The following TBC1D21 variants were observed in gnomAD, a reference collection of about 807,000 sequenced individuals.
The protein encoded by TBC1D21 is TBC1 domain family member 21.
In TBC1D21, 38 loss-of-function variants were observed where a neutral mutation model predicts 46.0. The observed-to-expected ratio is 0.83, with a 90% confidence interval of 0.64 to 1.08. TBC1D21 has a LOEUF of 1.08. TBC1D21 is among the 50% of genes least tolerant of loss of function. The pLI, the probability that TBC1D21 is intolerant of heterozygous loss-of-function variation, is 0.00. For missense variants in TBC1D21, 415 were observed against 417.9 expected (o/e 0.99, Z 0.06); for synonymous variants, 151 against 157.2 (o/e 0.96, Z 0.29).
chr15:73,887,655 G>A lies in TBC1D21; in HGVS notation c.813G>A (p.Gln271=), dbSNP rs2068273813. Residue 271 remains glutamine (Q), a synonymous_variant, in exon 9 of 11, where the codon CAG becomes CAA. Coordinates refer to ENST00000300504, the MANE Select transcript of TBC1D21 (RefSeq NM_153356.3). ...LLTGKPCRNF[Q]VLVAYSMLQM... The stretch of plus-strand genomic sequence containing the variant: ...CGGGGAAGCCCTGCAGGAACTTCCA[G>A]GTGCTGGTGGCCTACAGCATGCTGC... The A allele has an allele frequency of 3.1e-6, 5 of 1,614,122 alleles. No individual in the cohort carries two copies. Among genetic ancestry groups the A allele is most frequent in the Non-Finnish European group, 4.2e-6 (5 of 1,180,002 alleles).
chr15:73,880,992 G>A (rs544597503), intron 1 of TBC1D21, among the ~76,000 whole-genome samples: 1 of 152,256 alleles, frequency 6.6e-6, no homozygotes, highest in African/African-American at 2.4e-5. Flanking sequence ...GGCCATAGTT[G>A]TACTATATAG....
intron 1 of TBC1D21, among the ~76,000 whole-genome samples, chr15:73,874,961 A>G (rs1484222012): frequency 6.6e-6 from 1 of 152,124 alleles, no homozygotes; most frequent in Non-Finnish European, 1.5e-5. Flanking sequence ...AGAAAAGAGA[A>G]CCTGTCCAGG....
chr15:73,899,800 C>T, the TBC1D21 span, among the ~76,000 whole-genome samples: 1 of 152,156 alleles, frequency 6.6e-6, no homozygotes, highest in African/African-American at 2.4e-5. Context: ...ACAGAAAGGA[C>T]TGGGAAGGGA....
At chr15:73,898,521 GA>G in the TBC1D21 span, among the ~76,000 whole-genome samples, 4 of 151,954 alleles carry the variant, frequency 2.6e-5, no homozygotes, top group Admixed American at 6.6e-5. Flanking sequence ...GAAAACAGGT[GA>G]AAAAAATGTG....
At chr15:73,898,096 G>T in the TBC1D21 span, among the ~76,000 whole-genome samples, 1 of 152,206 alleles carries the variant, frequency 6.6e-6, no homozygotes, top group South Asian at 2.1e-4. Context: ...GGTAATGAGG[G>T]CAGTCTGGAG....
chr15:73,884,293 C>T, intron 4 of TBC1D21, 48 bp downstream of exon 4: 2 of 1,524,026 alleles, frequency 1.3e-6, no homozygotes, highest in South Asian at 1.1e-5. Context: ...GGGCTTGAAG[C>T]CAACCCTGCC....
chr15:73,888,012 C>T (rs1326819276), intron 9 of TBC1D21, among the ~76,000 whole-genome samples: 4 of 152,320 alleles, frequency 2.6e-5, no homozygotes, highest in Admixed American at 6.5e-5. Flanking sequence ...CTTGAACACT[C>T]CCTAACTATT....
chr15:73,878,884 T>C (rs988251108), intron 1 of TBC1D21, among the ~76,000 whole-genome samples: 18 of 152,178 alleles, frequency 1.2e-4, no homozygotes, highest in African/African-American at 7.2e-5. Flanking sequence ...GCATGCTGAG[T>C]GTTGCAGTTT....
At chr15:73,896,441 G>A in the TBC1D21 span, among the ~76,000 whole-genome samples, 3 of 152,078 alleles carry the variant, frequency 2.0e-5, no homozygotes, top group African/African-American at 4.8e-5. Flanking sequence ...GTAGAGTGGT[G>A]GGGGCAATGA....
chr15:73,885,278 G>A (rs895327754), intron 6 of TBC1D21, among the ~76,000 whole-genome samples, 175 bp downstream of exon 6: 1 of 152,178 alleles, frequency 6.6e-6, no homozygotes, highest in African/African-American at 2.4e-5. Flanking sequence ...AGTGGTGGTG[G>A]GGAGGCACTG....
In TBC1D21 at chr15:73,887,636, A is replaced by G; in HGVS notation, c.794A>G (p.Lys265Arg). The G allele has an allele frequency of 6.2e-7, 1 of 1,613,988 alleles. No homozygotes were observed. The highest frequency in any genetic ancestry group is 8.5e-7 in the Non-Finnish European group (1 of 1,179,942). ...GACCCACAGGTTCTGCTGACGGGGA[A>G]GCCCTGCAGGAACTTCCAGGTGCTG... ...WRLWEVLLTGKPCRNFQVLVA... is the reference protein window; with the variant it reads ...WRLWEVLLTGRPCRNFQVLVA... Residue 265 changes from lysine to arginine, a missense_variant, in exon 9 of 11, where the codon AAG (lysine) becomes AGG (arginine). Coordinates refer to ENST00000300504, the MANE Select transcript of TBC1D21 (RefSeq NM_153356.3).
chr15:73,889,256 G>A (rs1702729515), downstream of TBC1D21: 2 of 892,180 alleles, frequency 2.2e-6, no homozygotes, highest in Non-Finnish European at 3.5e-6. Context: ...TAGGGGCTGG[G>A]ACGCACATGA....
intron 8 of TBC1D21, among the ~76,000 whole-genome samples, chr15:73,887,277 CA>C (rs1257741884): frequency 1.3e-5 from 2 of 152,180 alleles, no homozygotes; most frequent in South Asian, 2.1e-4. Flanking sequence ...TAATTCCCAT[CA>C]ACCCTTGCTT....
chr15:73,875,111 T>C (rs905491594), intron 1 of TBC1D21, among the ~76,000 whole-genome samples: 1 of 151,928 alleles, frequency 6.6e-6, no homozygotes, highest in African/African-American at 2.4e-5. Flanking sequence ...TAGCCAGGCG[T>C]GGTAGTGAGT....
chr15:73,896,072 T>C, the TBC1D21 span, among the ~76,000 whole-genome samples: 1 of 151,972 alleles, frequency 6.6e-6, no homozygotes, highest in Non-Finnish European at 1.5e-5. Flanking sequence ...TTCCTGGTAA[T>C]GATAGTGACA....
the TBC1D21 span, among the ~76,000 whole-genome samples, chr15:73,909,543 G>A: frequency 6.6e-6 from 1 of 152,158 alleles, no homozygotes; most frequent in Admixed American, 6.5e-5. Context: ...GGGAAGTGGA[G>A]GGAAGGTGGG....
At chr15:73,889,255 G>C, downstream of TBC1D21, 1 of 894,478 alleles carries the variant, frequency 1.1e-6, no homozygotes, top group Non-Finnish European at 1.7e-6. Flanking sequence ...TTAGGGGCTG[G>C]GACGCACATG....
At chr15:73,897,538 T>C in the TBC1D21 span, among the ~76,000 whole-genome samples, 23 of 150,966 alleles carry the variant, frequency 1.5e-4, no homozygotes, top group Admixed American at 1.5e-3. Flanking sequence ...CCACCTCCTC[T>C]TTCCTGTGGA....
chr15:73,888,716 TCTC>T (rs2068304749), intron 10 of TBC1D21, among the ~76,000 whole-genome samples: 1 of 116,604 alleles, frequency 8.6e-6, no homozygotes, highest in Non-Finnish European at 1.8e-5. Flanking sequence ...TCTTCTTCCT[TCTC>T]CTCCTCCTCT....
Sources: gnomAD v4.1 joint callset for allele counts (sites outside exome capture counted in the v4.1 genomes callset) on GRCh38, gnomAD v4.1.1 for gene constraint, MANE v1.5 for transcripts, NCBI Gene and HGNC (gene_info 2026-07-23, HGNC 2026-07-21) for gene names.